The following ENOX2 variants were observed in gnomAD, a reference collection of about 807,000 sequenced individuals.
ENOX2 encodes ecto-NOX disulfide-thiol exchanger 2, also known as APK1 antigen.
In ENOX2, 36 loss-of-function variants were observed where a neutral mutation model predicts 45.0. The observed-to-expected ratio is 0.80, with a 90% CI of 0.61 to 1.06. ENOX2 has a LOEUF of 1.06. Ranked by LOEUF, ENOX2 falls within the 50% of genes least tolerant of loss-of-function variation. The probability of loss-of-function intolerance (pLI) is 0.00; values close to 1 mark genes in which losing one functional copy is unlikely to be tolerated. For missense variants in ENOX2, 423 were observed against 462.5 expected (o/e 0.91, Z 0.78); for synonymous variants, 174 against 152.3 (o/e 1.14, Z -1.05).
chrX:130,726,812 G>A (rs975710549), intron 3 of ENOX2, among the ~76,000 whole-genome samples: 1 of 112,226 alleles, frequency 8.9e-6, no homozygotes, highest in Non-Finnish European at 1.9e-5. Flanking sequence ...AAGCAATTGT[G>A]TAACTACTAA....
chrX:130,691,199 C>T (rs2037586854), intron 4 of ENOX2, among the ~76,000 whole-genome samples: 1 of 110,840 alleles, frequency 9.0e-6, no homozygotes, highest in Non-Finnish European at 1.9e-5. Flanking sequence ...TATCTGTATG[C>T]CTCTATTTCC....
chrX:130,901,011 A>G (rs2079136796), intron 2 of ENOX2, among the ~76,000 whole-genome samples: 1 of 112,675 alleles, frequency 8.9e-6, no homozygotes, highest in South Asian at 3.6e-4. Context: ...TAGAGGTATG[A>G]TATGTGTTAT....
At chrX:130,831,086 C>T (rs1216843745) in intron 2 of ENOX2, among the ~76,000 whole-genome samples, 2 of 111,132 alleles carry the variant, frequency 1.8e-5, no homozygotes, top group African/African-American at 6.5e-5. Flanking sequence ...GGGGGCCAAA[C>T]TTCTATCTTT....
chrX:130,743,709 A>T (rs1441499581), intron 3 of ENOX2, among the ~76,000 whole-genome samples: 1 of 110,181 alleles, frequency 9.1e-6, no homozygotes, highest in African/African-American at 3.3e-5. Context: ...TGAACTCCTG[A>T]CCTCAAGTGA....
chrX:130,697,427 G>A (rs745543853), intron 4 of ENOX2, among the ~76,000 whole-genome samples: 9 of 112,343 alleles, frequency 8.0e-5, no homozygotes, highest in Non-Finnish European at 1.3e-4. Context: ...ATTGTGCCAT[G>A]CCCATATTGG....
chrX:130,843,098 A>G (rs1024841466), intron 2 of ENOX2, among the ~76,000 whole-genome samples: 3 of 111,420 alleles, frequency 2.7e-5, no homozygotes, highest in African/African-American at 9.8e-5. Context: ...TTTCAAATCT[A>G]TATTTCTAAT....
At position 130,630,147 on chromosome X, in the gene ENOX2, G is replaced by C. The variant is rs2035655740; in HGVS notation, c.1528+1321C>G. 4.5e-5 allele frequency among the ~76,000 whole-genome samples: 5 copies of C among 111,376 alleles called. No individual in the cohort carries two copies. In the South Asian group the frequency reaches 1.9e-3, roughly 43 times the overall value. ...ACCATTTGTGCCATCTTGCCTCTCT[G>C]AATGAATTTTTACAGACAGCAATGC... On this transcript the variant is annotated intron_variant, in intron 13 of 14. Coordinates refer to ENST00000394363, the MANE Select transcript of ENOX2 (RefSeq NM_006375.4).
intron 2 of ENOX2, among the ~76,000 whole-genome samples, chrX:130,863,776 T>C (rs760464592): frequency 8.9e-6 from 1 of 112,307 alleles, no homozygotes; most frequent in Non-Finnish European, 1.9e-5. Flanking sequence ...AGGTAATCTA[T>C]AATACCTGTT....
intron 3 of ENOX2, among the ~76,000 whole-genome samples, chrX:130,724,163 A>G (rs975086176): frequency 1.8e-5 from 2 of 112,386 alleles, no homozygotes; most frequent in African/African-American, 6.5e-5. Flanking sequence ...AATGTCTTCC[A>G]TACTAATTTT....
At chrX:130,637,466 T>G in intron 10 of ENOX2, 56 bp from the exon 11 acceptor site, 1 of 1,048,603 alleles carries the variant, frequency 9.5e-7, no homozygotes, top group Non-Finnish European at 1.3e-6. Flanking sequence ...GTGATTCATC[T>G]GGATATCACA....
intron 13 of ENOX2, among the ~76,000 whole-genome samples, chrX:130,629,343 C>T (rs746674506): frequency 3.6e-4 from 41 of 112,794 alleles, no homozygotes; most frequent in Non-Finnish European, 7.3e-4. Flanking sequence ...AAACATTAAG[C>T]GATTTTGTGG....
At chrX:130,856,541 T>C (rs1210075629) in intron 2 of ENOX2, among the ~76,000 whole-genome samples, 1 of 111,420 alleles carries the variant, frequency 9.0e-6, no homozygotes, top group African/African-American at 3.3e-5. Context: ...CACAAGCAAA[T>C]TTTGTGCTTT....
At chrX:130,688,837 G>A in intron 5 of ENOX2, 26 bp downstream of exon 5, 4 of 1,134,184 alleles carry the variant, frequency 3.5e-6, no homozygotes. Flanking sequence ...ATTGTGTCTT[G>A]TGTGGAGAAA....
chrX:130,819,796 G>A (rs2077562923), intron 2 of ENOX2, among the ~76,000 whole-genome samples: 1 of 111,024 alleles, frequency 9.0e-6, no homozygotes, highest in South Asian at 3.9e-4. Context: ...AACCACCATG[G>A]CACGTGTATA....
Position 130,881,882 on chromosome X carries a change from G to A in ENOX2, c.-183+19802C>T, listed in dbSNP as rs756164507. Among the ~76,000 whole-genome samples the A allele has an allele frequency of 1.2e-4, 13 of 111,712 alleles. No homozygotes were observed. In the South Asian group the frequency reaches 1.5e-3, roughly 13 times the overall value. The stretch of plus-strand genomic sequence containing the variant: ...AGAAACTCATGCTTCGGAACAGCTC[G>A]GAACCTTTAGCTAGCAGAAGAGGAG... On this transcript the variant is annotated intron_variant, in intron 2 of 14. Coordinates refer to ENST00000394363, the MANE Select transcript of ENOX2 (RefSeq NM_006375.4).
chrX:130,825,593 T>A lies in ENOX2; in HGVS notation c.-182-41903A>T, dbSNP rs190297635. Among the ~76,000 whole-genome samples, 130 of 112,037 alleles carry A rather than the reference T, an allele frequency of 1.2e-3. 2 individuals carry two copies. Among genetic ancestry groups the A allele is most frequent in the Middle Eastern group, 4.6e-3 (1 of 218 alleles). On this transcript the variant is annotated intron_variant, in intron 2 of 14. Transcript: ENST00000394363. ...TTCAGTTATCTGTGGTCAAGCACAGTCTGGAAATATTAAATGGAAAATTCC... is the reference window on the plus strand; with the variant it reads ...TTCAGTTATCTGTGGTCAAGCACAGACTGGAAATATTAAATGGAAAATTCC...
At chrX:130,688,839 G>A (rs1295722958) in intron 5 of ENOX2, 24 bp downstream of exon 5, 14 of 1,148,466 alleles carry the variant, frequency 1.2e-5, no homozygotes, top group Non-Finnish European at 1.7e-5. Context: ...TGTGTCTTGT[G>A]TGGAGAAAAA....
intron 3 of ENOX2, among the ~76,000 whole-genome samples, chrX:130,766,983 C>T (rs1044983366): frequency 2.7e-5 from 3 of 111,300 alleles, no homozygotes; most frequent in Non-Finnish European, 5.7e-5. Context: ...TTCCAGAGCC[C>T]AAGCTTTCAA....
In ENOX2 at chrX:130,833,068, T is replaced by C. The variant is rs189261950; in HGVS notation, c.-182-49378A>G. Among the ~76,000 whole-genome samples the C allele has an allele frequency of 9.1e-3, 980 of 107,533 alleles. 17 individuals carry two copies. Among genetic ancestry groups the C allele is most frequent in the African/African-American group, 0.032 (924 of 29,332 alleles). The allele number at this position is 107,533 out of a possible 115,157, so 93.4% of individuals were successfully genotyped here. A position where few individuals can be genotyped will look rare whatever the true frequency, so the allele number is the denominator to read the frequency against. On this transcript the variant is annotated intron_variant, in intron 2 of 14. Transcript: ENST00000394363. ...ACACACACACACAAACAGCACTGAA[T>C]TTTCTTTTCACCCTAGAATGAAAGC...
Sources: gnomAD v4.1 joint callset for allele counts (sites outside exome capture counted in the v4.1 genomes callset) on GRCh38, gnomAD v4.1.1 for gene constraint, MANE v1.5 for transcripts, NCBI Gene and HGNC (gene_info 2026-07-23, HGNC 2026-07-21) for gene names.